Variants in MAX observed in about 807,000 individuals in gnomAD.
MAX encodes the protein MYC associated transcriptional regulator X.
MAX carries 3 observed loss-of-function variants against 22.3 expected under a neutral mutation model. The observed-to-expected ratio is 0.13, with a 90% confidence interval of 0.06 to 0.35. The LOEUF is 0.35. Ranked by LOEUF, MAX falls within the 10% of genes least tolerant of loss-of-function variation. The pLI, the probability that MAX is intolerant of heterozygous loss-of-function variation, is 1.00. For missense variants in MAX, 119 were observed against 209.4 expected, an observed-to-expected ratio of 0.57 and a Z score of 2.66; for synonymous variants, 72 against 77.7, an observed-to-expected ratio of 0.93 and a Z score of 0.39.
At chr14:65,094,117 C>G in intron 2 of MAX, 1 of 390,656 alleles carries the variant, frequency 2.6e-6, no homozygotes, top group Non-Finnish European at 4.9e-6. Context: ...ATCAGTGGTC[C>G]CCCCCAACTT....
In MAX at chr14:65,031,790, A is replaced by G. The variant is rs2062089822; in HGVS notation, c.172-25506T>C. 6.6e-6 allele frequency among the ~76,000 whole-genome samples: 1 copy of G among 152,040 alleles called. No homozygotes were observed. Among genetic ancestry groups the G allele is most frequent in the African/African-American group, 2.4e-5 (1 of 41,442 alleles). On this transcript the variant is annotated intron_variant, in intron 3 of 3. Transcript: ENST00000341653. This position sits in a 1 kb window ranked among gnomAD's most constrained non-coding sequence, Gnocchi z 4.6. ...AGAAAAATAAGCCAGGCATGGTGGC[A>G]TGCGCCTGTAATCCCAGCTACTTGG...
intron 3 of MAX, among the ~76,000 whole-genome samples, chr14:65,006,685 T>G (rs1471366276): frequency 6.6e-6 from 1 of 152,214 alleles, no homozygotes. Flanking sequence ...AGCCTCTGTT[T>G]CTCACATGAA....
At chr14:65,096,447 GA>G (rs1238315862) in intron 2 of MAX, among the ~76,000 whole-genome samples, 3 of 152,270 alleles carry the variant, frequency 2.0e-5, no homozygotes, top group South Asian at 2.1e-4. Context: ...ATGAAAAACA[GA>G]AAAACCTTTA....
At chr14:65,050,418 C>T (rs2062580069) in intron 3 of MAX, among the ~76,000 whole-genome samples, 1 of 152,118 alleles carries the variant, frequency 6.6e-6, no homozygotes, top group Non-Finnish European at 1.5e-5. Context: ...TAGTGAAACC[C>T]TGTCTCTACT....
chr14:65,075,798 G>A lies in MAX; in HGVS notation c.*678C>T, dbSNP rs934021031. The stretch of plus-strand genomic sequence containing the variant: ...CCACGAGAGTGTCACACGGCCCTCC[G>A]TGAGGCTGGCGCCGCAGGCTTAAAC... On this transcript the variant is annotated 3_prime_UTR_variant, in exon 5 of 5. Coordinates refer to ENST00000358664, the MANE Select transcript of MAX (RefSeq NM_002382.5). This position sits in a 1 kb window ranked among gnomAD's most constrained non-coding sequence, Gnocchi z 4.1. The A allele has an allele frequency of 3.4e-5, 36 of 1,066,278 alleles. No individual in the cohort carries two copies. The highest frequency in any genetic ancestry group is 1.6e-5 in the African/African-American group (1 of 61,050). 66.1% of individuals were successfully genotyped at this position (1,066,278 alleles called of 1,614,324 possible).
At position 65,076,104 on chromosome 14, in the gene MAX, C is replaced by A; in HGVS notation, c.*372G>T. ...GAGGCCACCTGGGCAGGGCAGGCGT[C>A]CCCCGGGCATGTGCCCGGCAGGGCT... On this transcript the variant is annotated 3_prime_UTR_variant, in exon 5 of 5. Transcript: ENST00000358664. The surrounding 1 kb of genome is among the most constrained non-coding windows in gnomAD (Gnocchi z 6.6). 7.9e-7 allele frequency: 1 copy of A among 1,273,364 alleles called. No homozygotes were observed. The highest frequency in any genetic ancestry group is 2.0e-5 in the South Asian group (1 of 49,756). 78.9% of individuals were successfully genotyped at this position (1,273,364 alleles called of 1,614,324 possible).
At chr14:65,006,423 A>C in intron 3 of MAX, 1 of 1,349,934 alleles carries the variant, frequency 7.4e-7, no homozygotes, top group Non-Finnish European at 1.0e-6. Context: ...ACAGCTAGAG[A>C]TTAGCAAATG....
chr14:65,014,101 G>A lies in MAX; in HGVS notation c.172-7817C>T, dbSNP rs1052823289. On this transcript the variant is annotated intron_variant, in intron 3 of 3. Coordinates refer to the MAX transcript ENST00000341653. This position sits in a 1 kb window ranked among gnomAD's most constrained non-coding sequence, Gnocchi z 5.1. ...TTTGAAGAGAGCAGCTTGGGCCAAC[G>A]GAAAGAACACTGGATTGACTCTAAA... 2.6e-5 allele frequency among the ~76,000 whole-genome samples: 4 copies of A among 152,086 alleles called. No homozygotes were observed. The highest frequency in any genetic ancestry group is 1.9e-4 in the East Asian group (1 of 5,186).
intron 3 of MAX, among the ~76,000 whole-genome samples, chr14:65,008,338 G>A (rs778061200): frequency 1.3e-5 from 2 of 152,214 alleles, no homozygotes; most frequent in Non-Finnish European, 2.9e-5. Flanking sequence ...CTGCCTTTGT[G>A]TGATCCTCTC....
chr14:65,040,283 GTATA>G (rs570646451), intron 3 of MAX, among the ~76,000 whole-genome samples: 1 of 147,014 alleles, frequency 6.8e-6, no homozygotes, highest in African/African-American at 2.5e-5. Flanking sequence ...ATATATGTGT[GTATA>G]TATATATATG....
chr14:65,076,601 T>C lies in MAX; in HGVS notation c.358A>G (p.Asn120Asp). Residue 120 changes from asparagine to aspartate, a missense_variant, in exon 5 of 5, where the codon AAC becomes GAC. Around this residue, in one of 3 missense-constraint regions of MAX, gnomAD observed 95 missense variants for 148.1 expected, o/e 0.64. Coordinates refer to ENST00000358664, the MANE Select transcript of MAX (RefSeq NM_002382.5). This position sits in a 1 kb window ranked among gnomAD's most constrained non-coding sequence, Gnocchi z 6.6. The part of the protein sequence containing the change: ...QLQTNYPSSD[N>D]SLYTNAKGST... Reference sequence around the variant, plus strand: ...CCCTTGGCGTTGGTGTAGAGGCTGTTGTCTGAGGAGGGGTAGTTGGTCTGC... The same window carrying C: ...CCCTTGGCGTTGGTGTAGAGGCTGTCGTCTGAGGAGGGGTAGTTGGTCTGC... The C allele has an allele frequency of 6.2e-7, 1 of 1,614,140 alleles. No individual in the cohort carries two copies. The highest frequency in any genetic ancestry group is 8.5e-7 in the Non-Finnish European group (1 of 1,180,014).
At chr14:65,035,975 G>A (rs2062180821) in intron 3 of MAX, among the ~76,000 whole-genome samples, 1 of 152,000 alleles carries the variant, frequency 6.6e-6, no homozygotes, top group Non-Finnish European at 1.5e-5. Flanking sequence ...GAGACCACAG[G>A]TGTGCACCAC....
intron 3 of MAX, among the ~76,000 whole-genome samples, chr14:65,020,066 A>G (rs1052544981): frequency 1.3e-5 from 2 of 152,158 alleles, no homozygotes; most frequent in Non-Finnish European, 2.9e-5. Flanking sequence ...CATGTAACAC[A>G]CACGCCCCCT....
chr14:65,089,439 G>A (rs942590783), intron 3 of MAX, among the ~76,000 whole-genome samples: 1 of 152,134 alleles, frequency 6.6e-6, no homozygotes, highest in African/African-American at 2.4e-5. Context: ...GATAACAACA[G>A]GCACTGAGGG....
At chr14:65,017,810 C>T (rs1482771547) in intron 3 of MAX, among the ~76,000 whole-genome samples, 1 of 151,916 alleles carries the variant, frequency 6.6e-6, no homozygotes, top group African/African-American at 2.4e-5. Context: ...CAAAAATTAG[C>T]TGGGCATGGT....
Position 65,012,416 on chromosome 14 carries a change from C to G in MAX, c.172-6132G>C. ...TAAACACATTACCCAGGAACTCTTGCTGTCAAATTATCCACCAAATCCTCC... is the reference window on the plus strand; with the variant it reads ...TAAACACATTACCCAGGAACTCTTGGTGTCAAATTATCCACCAAATCCTCC... On this transcript the variant is annotated intron_variant, in intron 3 of 3. Transcript: ENST00000341653. This position sits in a 1 kb window ranked among gnomAD's most constrained non-coding sequence, Gnocchi z 5.0. 1 of 1,613,584 alleles carries G rather than the reference C, an allele frequency of 6.2e-7. No homozygotes were observed. The highest frequency in any genetic ancestry group is 1.1e-5 in the South Asian group (1 of 91,048).
chr14:65,048,632 C>G (rs1354441437), intron 3 of MAX, among the ~76,000 whole-genome samples: 3 of 152,168 alleles, frequency 2.0e-5, no homozygotes, highest in Non-Finnish European at 4.4e-5. Context: ...GCAGGAGGAC[C>G]TCTTGAGCTC....
At chr14:65,056,332 C>G (rs537665153) in intron 3 of MAX, among the ~76,000 whole-genome samples, 15 of 152,284 alleles carry the variant, frequency 9.9e-5, no homozygotes, top group African/African-American at 3.4e-4. Flanking sequence ...CAATTTTTTG[C>G]TATTACAGTG....
intron 3 of MAX, among the ~76,000 whole-genome samples, chr14:65,060,601 CAGG>C (rs1174732359): frequency 9.0e-6 from 1 of 110,732 alleles, no homozygotes; most frequent in Admixed American, 8.1e-5. Flanking sequence ...GAGGCTGAGG[CAGG>C]AGAATGGCGT....
Sources: gnomAD v4.1 joint callset for allele counts (sites outside exome capture counted in the v4.1 genomes callset) on GRCh38, gnomAD v4.1.1 for gene constraint, gnomAD v4.1.1 regional missense constraint, Gnocchi (gnomAD v3.1) non-coding constraint, MANE v1.5 for transcripts, NCBI Gene and HGNC (gene_info 2026-07-23, HGNC 2026-07-21) for gene names.